The following SLC25A25 variants were observed in gnomAD, a reference collection of about 807,000 sequenced individuals.
SLC25A25 encodes the protein solute carrier family 25 member 25, also known as mitochondrial adenyl nucleotide antiporter SLC25A25.
Under a neutral mutation model 57.7 loss-of-function variants are expected in SLC25A25, and 32 were observed. That is an observed-to-expected ratio of 0.55 (90% CI 0.42 to 0.74). The LOEUF (loss-of-function observed/expected upper bound fraction) is 0.74, where lower values mean the gene tolerates loss of function less well. SLC25A25 is among the 30% of genes least tolerant of loss of function. SLC25A25 has a pLI of 0.00. For synonymous variants in SLC25A25, 306 were observed against 291.2 expected, an observed-to-expected ratio of 1.05 and a Z score of -0.52; for missense variants, 556 against 701.3, an observed-to-expected ratio of 0.79 and a Z score of 2.34.
rs767528105 is a variant in SLC25A25, at chr9:128,102,406, C to T, written c.549C>T (p.Asn183=). The change falls in exon 5 of 11, where the codon AAC becomes AAT. Residue 183 remains asparagine (N), a synonymous_variant. Coordinates refer to ENST00000373069, the MANE Select transcript of SLC25A25 (RefSeq NM_001330988.2). The surrounding 1 kb of genome is among the most constrained non-coding windows in gnomAD (Gnocchi z 4.1). The part of the protein sequence containing the change: ...DKNGTMTIDW[N]EWRDYHLLHP... The stretch of plus-strand genomic sequence containing the variant: ...ACGGCACGATGACCATTGACTGGAA[C>T]GAGTGGAGAGACTACCACCTCCTCC... 2.9e-5 allele frequency: 46 copies of T among 1,613,902 alleles called. No homozygotes were observed. The highest frequency in any genetic ancestry group is 4.4e-5 in the South Asian group (4 of 91,082).
chr9:128,098,453 C>T, intron 1 of SLC25A25: 3 of 1,467,706 alleles, frequency 2.0e-6, no homozygotes, highest in African/African-American at 1.4e-5. Context: ...AGGGCTTAAG[C>T]AGCCAATGAC....
rs1002722129 is a variant in SLC25A25, at chr9:128,109,143, T to A, written c.*1699T>A. The A allele has an allele frequency of 1.6e-4, 25 of 152,708 alleles. No individual in the cohort carries two copies. Among genetic ancestry groups the A allele is most frequent in the African/African-American group, 6.0e-4 (25 of 41,574 alleles). 9.5% of individuals were successfully genotyped at this position (152,708 alleles called of 1,614,324 possible). On this transcript the variant is annotated 3_prime_UTR_variant, in exon 11 of 11. Coordinates refer to ENST00000373069, the MANE Select transcript of SLC25A25 (RefSeq NM_001330988.2). ...AAAGATCAATGCAAAAATTGTTATA[T>A]ATGAACATATAACTGGAGTCGTCAA...
intron 1 of SLC25A25, among the ~76,000 whole-genome samples, chr9:128,069,113 C>T (rs1411331920): frequency 6.6e-6 from 1 of 152,244 alleles, no homozygotes; most frequent in Non-Finnish European, 1.5e-5. Context: ...GGTTTAGGCT[C>T]ATCTCCATTG....
At chr9:128,076,333 G>A (rs1191701783) in intron 1 of SLC25A25, among the ~76,000 whole-genome samples, 1 of 151,852 alleles carries the variant, frequency 6.6e-6, no homozygotes, top group Non-Finnish European at 1.5e-5. Context: ...GTTTTCCTAT[G>A]TTGCTCAGGC....
rs569190005 is a variant in SLC25A25 at position 128,106,412 on chromosome 9, C to T, written c.1104C>T (p.Cys368=). ...GCCAGTACTCAGGAATGCTGGACTG[C>T]GCCAGGAGGATCCTGGCCAGAGAGG... ...KTGQYSGMLD[C]ARRILAREGV... The change falls in exon 9 of 11, where the codon TGC becomes TGT. Residue 368 remains cysteine, a synonymous_variant. Coordinates refer to ENST00000373069, the MANE Select transcript of SLC25A25 (RefSeq NM_001330988.2). 31 of 1,613,706 alleles carry T rather than the reference C, an allele frequency of 1.9e-5. No homozygotes were observed. Among genetic ancestry groups the T allele is most frequent in the African/African-American group, 1.1e-4 (8 of 75,038 alleles).
At chr9:128,092,293 C>T (rs1428429757) in intron 1 of SLC25A25, among the ~76,000 whole-genome samples, 11 of 152,174 alleles carry the variant, frequency 7.2e-5, no homozygotes, top group Non-Finnish European at 7.3e-5. Flanking sequence ...CCACTGCGAG[C>T]ACCCCAGTGT....
intron 1 of SLC25A25, among the ~76,000 whole-genome samples, chr9:128,087,048 C>T (rs958617199): frequency 1.3e-5 from 2 of 151,974 alleles, no homozygotes; most frequent in Admixed American, 6.5e-5. Flanking sequence ...AACCCCATCT[C>T]TACTAAAAAT....
intron 9 of SLC25A25, 135 bp downstream of exon 9, chr9:128,106,655 C>A: frequency 1.7e-6 from 2 of 1,157,878 alleles, no homozygotes; most frequent in Non-Finnish European, 2.4e-6. Context: ...CTTCTGTTTA[C>A]TGCAGCTTTC....
intron 1 of SLC25A25, among the ~76,000 whole-genome samples, chr9:128,077,560 C>A (rs1833046561): frequency 6.7e-6 from 1 of 149,938 alleles, no homozygotes; most frequent in Non-Finnish European, 1.5e-5. Context: ...ACTGTATGAT[C>A]CATTTAGGTG....
At chr9:128,098,515 G>C in intron 1 of SLC25A25, 1 of 1,567,466 alleles carries the variant, frequency 6.4e-7, no homozygotes, top group Non-Finnish European at 8.7e-7. Flanking sequence ...GCAGCATTTA[G>C]GGAACTTGCT....
chr9:128,107,939 A>C lies in SLC25A25; in HGVS notation c.*495A>C, dbSNP rs369199483. The C allele has an allele frequency of 7.0e-5, 28 of 399,152 alleles. No individual in the cohort carries two copies. The highest frequency in any genetic ancestry group is 5.3e-4 in the African/African-American group (26 of 48,756). The allele number at this position is 399,152 out of a possible 1,614,324, so 24.7% of individuals were successfully genotyped here. A position where few individuals can be genotyped will look rare whatever the true frequency, so the allele number is the denominator to read the frequency against. On this transcript the variant is annotated 3_prime_UTR_variant, in exon 11 of 11. Coordinates refer to ENST00000373069, the MANE Select transcript of SLC25A25 (RefSeq NM_001330988.2). The stretch of plus-strand genomic sequence containing the variant: ...CGTCCAATCCCATAATCCATGATGA[A>C]AGGTGAGGTCACGTGGCCTCCCAGG...
chr9:128,079,431 AG>A (rs34893570), intron 1 of SLC25A25, among the ~76,000 whole-genome samples: 16,549 of 122,208 alleles, frequency 0.14, 736 homozygotes, highest in African/African-American at 0.21. Context: ...AAAAAAAAAA[AG>A]GGTGGAGAGA....
chr9:128,106,165 G>T lies in SLC25A25; in HGVS notation c.952G>T (p.Gly318Cys), dbSNP rs556095628. The T allele has an allele frequency of 8.1e-6, 13 of 1,614,236 alleles. No individual in the cohort carries two copies. In the Admixed American group the frequency reaches 1.7e-4, roughly 21 times the overall value. Reference sequence around the variant, plus strand: ...CTGGTTCTAGATCAAGCGCCTTGTTGGTAGTGACCAGGAGACTCTGAGGAT... The same window carrying T: ...CTGGTTCTAGATCAAGCGCCTTGTTTGTAGTGACCAGGAGACTCTGAGGAT... ...MAYEQIKRLVGSDQETLRIHE... is the reference protein window; with the variant it reads ...MAYEQIKRLVCSDQETLRIHE... The change falls in exon 8 of 11, where the codon GGT becomes TGT. Residue 318 changes from glycine (G) to cysteine (C), a missense_variant. This residue lies in a region of SLC25A25 where 294 missense variants were observed against 389.6 expected (regional missense o/e 0.75). Coordinates refer to ENST00000373069, the MANE Select transcript of SLC25A25 (RefSeq NM_001330988.2).
rs1833850078 is a variant in SLC25A25, at chr9:128,102,601, G to A, written c.624+120G>A. ...TCCAGCCACCTCCTCTTCCACAGGA[G>A]ACTGTCCCCTCTTCTGCCAGCCCAG... On this transcript the variant is annotated intron_variant, in intron 5 of 10. Transcript: ENST00000373069. This position sits in a 1 kb window ranked among gnomAD's most constrained non-coding sequence, Gnocchi z 4.1. 1 of 738,790 alleles carries A rather than the reference G, an allele frequency of 1.4e-6. No individual in the cohort carries two copies. Among genetic ancestry groups the A allele is most frequent in the African/African-American group, 1.8e-5 (1 of 56,666 alleles). The allele number at this position is 738,790 out of a possible 1,614,324, so 45.8% of individuals were successfully genotyped here. A position where few individuals can be genotyped will look rare whatever the true frequency, so the allele number is the denominator to read the frequency against.
rs1588779478 is a variant in SLC25A25, at chr9:128,099,396, C to G, written c.262-1700C>G. 2 of 1,172,448 alleles carry G rather than the reference C, an allele frequency of 1.7e-6. No individual in the cohort carries two copies. Among genetic ancestry groups the G allele is most frequent in the South Asian group, 1.5e-5 (1 of 65,572 alleles). 72.6% of individuals were successfully genotyped at this position (1,172,448 alleles called of 1,614,324 possible). On this transcript the variant is annotated intron_variant, in intron 1 of 10. Coordinates refer to ENST00000373069, the MANE Select transcript of SLC25A25 (RefSeq NM_001330988.2). This position sits in a 1 kb window ranked among gnomAD's most constrained non-coding sequence, Gnocchi z 6.8. ...TTGAAGCCAGCTGCGGTGAGCACAC[C>G]CTCTGCTCTGGGTGTCTGCGACAGC...
chr9:128,077,645 G>A (rs555060887), intron 1 of SLC25A25, among the ~76,000 whole-genome samples: 55 of 152,174 alleles, frequency 3.6e-4, no homozygotes, highest in African/African-American at 1.3e-3. Context: ...GGGTACTGGC[G>A]GGTAGAGAGA....
At chr9:128,081,237 C>T (rs533764187) in intron 1 of SLC25A25, among the ~76,000 whole-genome samples, 2 of 152,342 alleles carry the variant, frequency 1.3e-5, no homozygotes, top group East Asian at 3.9e-4. Flanking sequence ...CCCTTGACCT[C>T]TCTCCTGCCT....
chr9:128,095,041 G>A lies in SLC25A25; in HGVS notation c.262-6055G>A, dbSNP rs552144838. On this transcript the variant is annotated intron_variant, in intron 1 of 10. Transcript: ENST00000373069. This position sits in a 1 kb window ranked among gnomAD's most constrained non-coding sequence, Gnocchi z 4.4. The stretch of plus-strand genomic sequence containing the variant: ...CAGATCTTGGAGTGTCAAGAAGGCC[G>A]GTGTGAAGCATCAGGGCTGAAACCC... Among the ~76,000 whole-genome samples the A allele has an allele frequency of 6.6e-6, 1 of 152,308 alleles. No individual in the cohort carries two copies. The highest frequency in any genetic ancestry group is 6.5e-5 in the Admixed American group (1 of 15,306).
At chr9:128,100,348 G>A (rs74458232) in intron 1 of SLC25A25, among the ~76,000 whole-genome samples, 6 of 152,026 alleles carry the variant, frequency 3.9e-5, no homozygotes, top group African/African-American at 1.2e-4. Context: ...GCGGGGGCGG[G>A]GGGGGTTACT....
Sources: allele counts gnomAD v4.1 joint callset (sites outside exome capture counted in the v4.1 genomes callset), GRCh38; gene constraint gnomAD v4.1.1; regional missense constraint gnomAD v4.1.1; non-coding constraint Gnocchi (gnomAD v3.1); transcripts MANE v1.5; gene names NCBI Gene and HGNC (gene_info 2026-07-23, HGNC 2026-07-21).